NUBPL: variants seen among roughly 807,000 people sequenced by gnomAD.
NUBPL encodes the protein NUBP iron-sulfur cluster assembly factor, mitochondrial.
NUBPL carries 31 observed loss-of-function variants against 45.7 expected under a neutral mutation model. That is an observed-to-expected ratio of 0.68 (90% confidence interval 0.51 to 0.92). The LOEUF (loss-of-function observed/expected upper bound fraction) is 0.92. NUBPL is among the 40% of genes least tolerant of loss of function. The pLI is 0.00. For synonymous variants in NUBPL, 144 were observed against 140.9 expected, an observed-to-expected ratio of 1.02 and a Z score of -0.15; for missense variants, 401 against 398.7, an observed-to-expected ratio of 1.01 and a Z score of -0.05.
chr14:31,671,175 A>G (rs1170869820), intron 4 of NUBPL, among the ~76,000 whole-genome samples: 1 of 152,084 alleles, frequency 6.6e-6, no homozygotes, highest in Non-Finnish European at 1.5e-5. Context: ...TTCTCATTGT[A>G]GAGATTTTTC....
rs1298376021 is a variant in NUBPL at position 31,859,243 on chromosome 14, A to G, written c.*63A>G. The G allele has an allele frequency of 1.2e-5, 14 of 1,151,718 alleles. No individual in the cohort carries two copies. The highest frequency in any genetic ancestry group is 9.1e-5 in the African/African-American group (6 of 65,736). The allele number at this position is 1,151,718 out of a possible 1,614,324, so 71.3% of individuals were successfully genotyped here. A position where few individuals can be genotyped will look rare whatever the true frequency, so the allele number is the denominator to read the frequency against. On this transcript the variant is annotated 3_prime_UTR_variant, in exon 11 of 11. Coordinates refer to ENST00000281081, the MANE Select transcript of NUBPL (RefSeq NM_025152.3). ...TTAAGAGGACCTTTGGAAATCAGCA[A>G]TGTGGTGATGGAACCTACAGAAATA... is the stretch of plus-strand genomic sequence containing the variant.
chr14:31,625,228 A>G (rs1463121272), intron 4 of NUBPL, among the ~76,000 whole-genome samples: 1 of 152,180 alleles, frequency 6.6e-6, no homozygotes, highest in Non-Finnish European at 1.5e-5. Flanking sequence ...CATTTTTAGC[A>G]TGGCTAAATA....
intron 6 of NUBPL, among the ~76,000 whole-genome samples, chr14:31,717,046 T>C (rs2037705998): frequency 6.6e-6 from 1 of 152,192 alleles, no homozygotes; most frequent in Admixed American, 6.5e-5. Context: ...AAAATTCAGA[T>C]CTCATCAAGT....
intron 8 of NUBPL, among the ~76,000 whole-genome samples, chr14:31,830,141 T>C (rs1248627074): frequency 6.6e-6 from 1 of 152,208 alleles, no homozygotes; most frequent in African/African-American, 2.4e-5. Flanking sequence ...AATTAAAGTA[T>C]ATTTATTCTC....
chr14:31,694,061 T>C (rs1393228619), intron 6 of NUBPL, among the ~76,000 whole-genome samples: 1 of 151,988 alleles, frequency 6.6e-6, no homozygotes, highest in African/African-American at 2.4e-5. Context: ...TTCACCGTGT[T>C]AGCCAGGGTG....
At chr14:31,821,040 T>C (rs2138948259) in intron 7 of NUBPL, among the ~76,000 whole-genome samples, 1 of 152,010 alleles carries the variant, frequency 6.6e-6, no homozygotes, top group Non-Finnish European at 1.5e-5. Context: ...GAAGAATTGC[T>C]TGAACCCTGG....
In NUBPL at chr14:31,596,056, G is replaced by A. The variant is rs1047363738; in HGVS notation, c.292-3233G>A. ...CGAGTAGCTGGGACCACAGGTGCCC[G>A]CCAGCACGCCTAGCTAATTTTTTGT... On this transcript the variant is annotated intron_variant, in intron 3 of 10. Transcript: ENST00000281081. 5.3e-5 allele frequency among the ~76,000 whole-genome samples: 8 copies of A among 151,974 alleles called. No individual in the cohort carries two copies. The East Asian group carries it at 7.8e-4, about 15-fold the overall frequency.
chr14:31,645,927 G>A (rs1479803249), intron 4 of NUBPL, among the ~76,000 whole-genome samples: 1 of 151,962 alleles, frequency 6.6e-6, no homozygotes, highest in Non-Finnish European at 1.5e-5. Context: ...CATAATTATA[G>A]CATTAGATAG....
intron 6 of NUBPL, among the ~76,000 whole-genome samples, chr14:31,746,291 C>G (rs1316194541): frequency 6.6e-6 from 1 of 151,984 alleles, no homozygotes; most frequent in Non-Finnish European, 1.5e-5. Context: ...AAGATTTCAA[C>G]TTTTCCTCAT....
At chr14:31,799,354 C>G (rs1022334271) in intron 7 of NUBPL, among the ~76,000 whole-genome samples, 5 of 152,112 alleles carry the variant, frequency 3.3e-5, no homozygotes, top group Non-Finnish European at 7.4e-5. Context: ...GTTAAGTTCT[C>G]CACAAGTAAG....
chr14:31,641,242 G>C (rs1009639037), intron 4 of NUBPL, among the ~76,000 whole-genome samples: 1 of 152,076 alleles, frequency 6.6e-6, no homozygotes, highest in African/African-American at 2.4e-5. Flanking sequence ...GAGCCACCGC[G>C]CCTGGCCAAT....
chr14:31,651,009 G>A (rs952463036), intron 4 of NUBPL, among the ~76,000 whole-genome samples: 13 of 152,160 alleles, frequency 8.5e-5, no homozygotes, highest in Non-Finnish European at 1.5e-5. Flanking sequence ...CATTCATGAG[G>A]GATCTGTCGC....
intron 10 of NUBPL, among the ~76,000 whole-genome samples, chr14:31,856,332 A>G (rs1222812873): frequency 2.0e-5 from 3 of 152,152 alleles, no homozygotes; most frequent in Admixed American, 6.5e-5. Flanking sequence ...ACCTCCCACC[A>G]GGTTCTTCCC....
intron 4 of NUBPL, among the ~76,000 whole-genome samples, chr14:31,637,506 C>T (rs2035541090): frequency 6.6e-6 from 1 of 152,036 alleles, no homozygotes; most frequent in African/African-American, 2.4e-5. Flanking sequence ...GCTTTACTTC[C>T]AAGTATGTGG....
chr14:31,691,033 G>A (rs760243332), intron 6 of NUBPL, among the ~76,000 whole-genome samples: 36 of 151,292 alleles, frequency 2.4e-4, no homozygotes, highest in Admixed American at 6.6e-4. Context: ...GAGGAAGAAG[G>A]ATTGGTACCA....
intron 6 of NUBPL, among the ~76,000 whole-genome samples, chr14:31,682,269 A>G (rs1440370646): frequency 2.0e-5 from 3 of 152,098 alleles, no homozygotes; most frequent in Admixed American, 2.0e-4. Context: ...TTGTTATGAA[A>G]TACTCCTCTA....
rs183707530 is a variant in NUBPL at position 31,818,582 on chromosome 14, T to G, written c.608-8047T>G. On this transcript the variant is annotated intron_variant, in intron 7 of 10. Coordinates refer to ENST00000281081, the MANE Select transcript of NUBPL (RefSeq NM_025152.3). ...TTCTTTTTGAGTTGGAGTCTCGCAC[T>G]GTCACCCAGGCTGGACTGCAGTTCA... Among the ~76,000 whole-genome samples the G allele has an allele frequency of 1.8e-3, 268 of 151,546 alleles. 1 individual carries two copies. Among genetic ancestry groups the G allele is most frequent in the African/African-American group, 6.2e-3 (254 of 40,816 alleles).
chr14:31,595,929 CAG>C (rs2034270330), intron 3 of NUBPL, among the ~76,000 whole-genome samples: 1 of 137,294 alleles, frequency 7.3e-6, no homozygotes, highest in African/African-American at 2.7e-5. Context: ...TTTTTTAAGA[CAG>C]AGTCTCACTC....
chr14:31,824,153 G>A (rs892862081), intron 7 of NUBPL, among the ~76,000 whole-genome samples: 1 of 152,104 alleles, frequency 6.6e-6, no homozygotes, highest in Non-Finnish European at 1.5e-5. Flanking sequence ...TCAAGTGTCT[G>A]TGTGTAGTAG....
Sources: allele counts gnomAD v4.1 joint callset (sites outside exome capture counted in the v4.1 genomes callset), GRCh38; gene constraint gnomAD v4.1.1; transcripts MANE v1.5; gene names NCBI Gene and HGNC (gene_info 2026-07-23, HGNC 2026-07-21).